CCDC149: variants seen among roughly 807,000 people sequenced by gnomAD.
CCDC149 encodes coiled-coil domain containing 149, also known as coiled-coil domain-containing protein 149.
CCDC149 carries 45 observed loss-of-function variants against 59.9 expected under a neutral mutation model. The ratio of observed to expected loss-of-function variants is 0.75; its 90% CI spans 0.59 to 0.96. The LOEUF is 0.96. Among genes scored for constraint, CCDC149 ranks in the 40% least tolerant of loss-of-function variants. CCDC149 has a pLI of 0.00. For synonymous variants in CCDC149, 245 were observed against 260.6 expected, an observed-to-expected ratio of 0.94 and a Z score of 0.58; for missense variants, 584 against 664.7, an observed-to-expected ratio of 0.88 and a Z score of 1.33.
chr4:24,929,537 C>T (rs1722525849), intron 1 of CCDC149, among the ~76,000 whole-genome samples: 1 of 152,198 alleles, frequency 6.6e-6, no homozygotes, highest in Non-Finnish European at 1.5e-5. Context: ...CTCAGAAATG[C>T]ACATCATGTG....
intron 1 of CCDC149, among the ~76,000 whole-genome samples, chr4:24,974,132 C>T (rs1202187390): frequency 2.6e-5 from 4 of 152,250 alleles, no homozygotes; most frequent in African/African-American, 9.6e-5. Context: ...AGGTCAGCCT[C>T]GGGCACAGCT....
At chr4:24,950,444 C>T (rs2109354227) in intron 1 of CCDC149, among the ~76,000 whole-genome samples, 1 of 152,330 alleles carries the variant, frequency 6.6e-6, no homozygotes, top group East Asian at 1.9e-4. Context: ...CATCACTTTA[C>T]TATTTTCATT....
At chr4:24,836,311 T>C in intron 7 of CCDC149, 125 bp downstream of exon 7, 1 of 702,012 alleles carries the variant, frequency 1.4e-6, no homozygotes, top group East Asian at 2.5e-5. Flanking sequence ...AAAGCTCTTA[T>C]TAGACTCTAT....
chr4:24,972,436 T>A (rs184203154), intron 1 of CCDC149, among the ~76,000 whole-genome samples: 1 of 152,166 alleles, frequency 6.6e-6, no homozygotes, highest in East Asian at 1.9e-4. Flanking sequence ...GCCTCCCAAG[T>A]AGCTGGGACT....
At chr4:24,962,532 A>C (rs1315376657) in intron 1 of CCDC149, among the ~76,000 whole-genome samples, 1 of 152,190 alleles carries the variant, frequency 6.6e-6, no homozygotes. Context: ...GCACATATAC[A>C]CCATGGAATA....
chr4:24,909,272 C>T (rs756161433), intron 1 of CCDC149, among the ~76,000 whole-genome samples: 12 of 152,160 alleles, frequency 7.9e-5, no homozygotes, highest in Non-Finnish European at 1.5e-4. Flanking sequence ...CCCAGGACTT[C>T]TGCAGAAATA....
chr4:24,970,707 A>T (rs4697513), intron 1 of CCDC149, among the ~76,000 whole-genome samples: 25,002 of 151,970 alleles, frequency 0.16, 3,724 homozygotes, highest in African/African-American at 0.39. Context: ...TGGCCTTACC[A>T]ACCAGTGGAC....
At chr4:24,908,529 TA>T (rs1424140988) in intron 1 of CCDC149, among the ~76,000 whole-genome samples, 2 of 91,196 alleles carry the variant, frequency 2.2e-5, no homozygotes, top group African/African-American at 9.9e-5. Context: ...ACTCTATCTC[TA>T]CAAAAAAAAA....
rs1285844353 is a variant in CCDC149, at chr4:24,853,152, A to G, written c.292T>C (p.Ser98Pro). The G allele has an allele frequency of 6.2e-7, 1 of 1,612,882 alleles. No individual in the cohort carries two copies. The highest frequency in any genetic ancestry group is 8.5e-7 in the Non-Finnish European group (1 of 1,179,030). ...CCCAGATGTTTATTTCGGTCCTGAG[A>G]ATCTCTCAATAGTTGTGCAAGATTA... The change falls in exon 4 of 13, where the codon TCT (serine) becomes CCT (proline). Residue 98 changes from serine (S) to proline (P), a missense_variant. Transcript: ENST00000635206.
upstream of CCDC149, among the ~76,000 whole-genome samples, chr4:24,916,801 T>TGTGTGTGC (rs1200736342): frequency 6.6e-6 from 1 of 151,290 alleles, no homozygotes; most frequent in Non-Finnish European, 1.5e-5. Flanking sequence ...TGTGTGTGTG[T>TGTGTGTGC]GTGTGTGTGT....
intron 1 of CCDC149, chr4:24,895,198 G>A: frequency 3.1e-6 from 2 of 647,880 alleles, no homozygotes; most frequent in South Asian, 3.5e-5. Flanking sequence ...GAGGCAGGAG[G>A]GATATCTTGG....
chr4:24,846,622 A>G (rs536454981), intron 4 of CCDC149, among the ~76,000 whole-genome samples: 1 of 152,290 alleles, frequency 6.6e-6, no homozygotes, highest in African/African-American at 2.4e-5. Context: ...TCCCACGTCA[A>G]TAGAGGTATG....
chr4:24,841,593 A>T (rs1326153944), intron 4 of CCDC149, among the ~76,000 whole-genome samples: 2 of 152,136 alleles, frequency 1.3e-5, no homozygotes, highest in Non-Finnish European at 2.9e-5. Context: ...CAGTCAGCTG[A>T]GGGGGTCTAA....
intron 1 of CCDC149, among the ~76,000 whole-genome samples, chr4:24,960,249 A>G (rs1159154914): frequency 2.0e-5 from 3 of 152,184 alleles, no homozygotes; most frequent in Non-Finnish European, 4.4e-5. Context: ...AAAACAAAAA[A>G]GATAATATAA....
chr4:24,975,101 G>A (rs1724118860), intron 1 of CCDC149, among the ~76,000 whole-genome samples: 1 of 152,032 alleles, frequency 6.6e-6, no homozygotes, highest in South Asian at 2.1e-4. Context: ...TGCCATGTGA[G>A]GTTGCAGCAA....
chr4:24,805,477 G>A (rs1340802266), downstream of CCDC149, among the ~76,000 whole-genome samples: 2 of 152,194 alleles, frequency 1.3e-5, no homozygotes, highest in Admixed American at 6.6e-5. Context: ...TTCAGAGACA[G>A]CACCATTGGT....
chr4:24,940,067 A>G (rs1175050780), intron 1 of CCDC149, among the ~76,000 whole-genome samples: 1 of 152,212 alleles, frequency 6.6e-6, no homozygotes, highest in African/African-American at 2.4e-5. Flanking sequence ...ACTCCTCGAG[A>G]AGAGCAACTC....
intron 1 of CCDC149, among the ~76,000 whole-genome samples, chr4:24,909,141 T>A (rs1721722695): frequency 6.6e-6 from 1 of 152,154 alleles, no homozygotes; most frequent in South Asian, 2.1e-4. Flanking sequence ...AAAACTGACC[T>A]CTGTAGGATT....
At chr4:24,939,635 TA>T (rs1482193075) in intron 1 of CCDC149, among the ~76,000 whole-genome samples, 1 of 151,914 alleles carries the variant, frequency 6.6e-6, no homozygotes, top group African/African-American at 2.4e-5. Flanking sequence ...GCAAAGAAGT[TA>T]AAAACGTTGA....
Sources: allele counts gnomAD v4.1 joint callset (sites outside exome capture counted in the v4.1 genomes callset), GRCh38; gene constraint gnomAD v4.1.1; transcripts MANE v1.5; gene names NCBI Gene and HGNC (gene_info 2026-07-23, HGNC 2026-07-21).